Variants in AMPH observed in about 807,000 individuals in gnomAD.
AMPH encodes amphiphysin (Stiff-Mann syndrome with breast cancer 128kD autoantigen).
A neutral mutation model predicts 99.1 loss-of-function variants in AMPH; 49 were observed. The observed-to-expected ratio is 0.49, with a 90% CI of 0.39 to 0.63. AMPH has a LOEUF of 0.63. Among genes scored for constraint, AMPH ranks in the 20% least tolerant of loss-of-function variants. The pLI, the probability that AMPH is intolerant of heterozygous loss-of-function variation, is 0.00. For synonymous variants in AMPH, 314 were observed against 317.3 expected (o/e 0.99, Z 0.11); for missense variants, 759 against 863.4 (o/e 0.88, Z 1.52).
intron 1 of AMPH, among the ~76,000 whole-genome samples, chr7:38,572,472 T>C (rs1792084781): frequency 6.6e-6 from 1 of 152,152 alleles, no homozygotes; most frequent in Non-Finnish European, 1.5e-5. Flanking sequence ...ACCCTCATCA[T>C]TATGCCACAC....
At chr7:38,604,908 T>A (rs111462189) in intron 1 of AMPH, among the ~76,000 whole-genome samples, 2,746 of 152,290 alleles carry the variant, frequency 0.018, 95 homozygotes, top group African/African-American at 0.063. Context: ...AGGTACGATG[T>A]GATTAGTCAA....
intron 1 of AMPH, among the ~76,000 whole-genome samples, chr7:38,560,115 A>G (rs577004394): frequency 2.6e-5 from 4 of 152,202 alleles, no homozygotes; most frequent in South Asian, 2.1e-4. Context: ...GGTGAAGGCT[A>G]TCTCTCCACC....
chr7:38,434,535 C>T (rs527625632), intron 12 of AMPH, among the ~76,000 whole-genome samples: 7 of 152,024 alleles, frequency 4.6e-5, no homozygotes, highest in Admixed American at 2.6e-4. Context: ...GTCAGGAGAT[C>T]GAGACCATCC....
intron 13 of AMPH, chr7:38,431,931 G>A (rs1786044577): frequency 2.0e-6 from 1 of 512,592 alleles, no homozygotes; most frequent in Non-Finnish European, 3.6e-6. Context: ...AAGAAACAAA[G>A]GGCCAAACTC....
rs1562757408 is a variant in AMPH at position 38,441,786 on chromosome 7, CTGTCATATA to C, written c.1018-5407_1018-5399del. Among the ~76,000 whole-genome samples the C allele has an allele frequency of 1.2e-3, 88 of 74,684 alleles. 1 individual carries two copies. The highest frequency in any genetic ancestry group is 2.9e-3 in the South Asian group (7 of 2,398). 49.0% of individuals were successfully genotyped at this position (74,684 alleles called of 152,430 possible). A position where few individuals can be genotyped will look rare whatever the true frequency, so the allele number is the denominator to read the frequency against. ...CATATATATGATATATATCATATATCTGTCATATATATCATATATATATCATATATATCA... is the reference window on the plus strand; with the variant it reads ...CATATATATGATATATATCATATATCTATCATATATATATCATATATATCA... On this transcript the variant is annotated intron_variant, in intron 11 of 20. Coordinates refer to ENST00000356264, the MANE Select transcript of AMPH (RefSeq NM_001635.4).
intron 2 of AMPH, among the ~76,000 whole-genome samples, chr7:38,505,038 CATT>C (rs1789272512): frequency 6.6e-6 from 1 of 152,034 alleles, no homozygotes; most frequent in South Asian, 2.1e-4. Context: ...CCTCTTTCCT[CATT>C]ATAATCTAGT....
At chr7:38,422,918 C>T (rs1785643158) in intron 15 of AMPH, among the ~76,000 whole-genome samples, 1 of 152,186 alleles carries the variant, frequency 6.6e-6, no homozygotes, top group African/African-American at 2.4e-5. Flanking sequence ...CCATGCCTGG[C>T]CTCAATAAAT....
At chr7:38,468,490 A>T (rs962472620) in intron 7 of AMPH, among the ~76,000 whole-genome samples, 1 of 152,226 alleles carries the variant, frequency 6.6e-6, no homozygotes, top group African/African-American at 2.4e-5. Context: ...ATCAATTATT[A>T]TCCTGAGAAA....
intron 11 of AMPH, among the ~76,000 whole-genome samples, chr7:38,448,130 C>A (rs537097406): frequency 6.6e-6 from 1 of 152,300 alleles, no homozygotes; most frequent in Admixed American, 6.5e-5. Flanking sequence ...TCAACAATTA[C>A]AATGAAGCAG....
intron 5 of AMPH, 97 bp downstream of exon 5, chr7:38,490,953 T>A: frequency 1.4e-6 from 1 of 725,488 alleles, no homozygotes; most frequent in African/African-American, 1.8e-5. Flanking sequence ...ATCTTTGATG[T>A]CAGTTTGAGG....
At chr7:38,501,043 C>T (rs1789117415) in intron 3 of AMPH, among the ~76,000 whole-genome samples, 1 of 152,122 alleles carries the variant, frequency 6.6e-6, no homozygotes, top group Admixed American at 6.6e-5. Context: ...AATGCCTTAC[C>T]ATTGGTCACG....
chr7:38,437,639 A>AAAAAAAAAAAAAAAAAAAAAAAAGAAAAG (rs765494380), intron 11 of AMPH, among the ~76,000 whole-genome samples: 4 of 96,728 alleles, frequency 4.1e-5, no homozygotes, highest in Non-Finnish European at 5.7e-5. Context: ...AAAAAAAAAA[A>AAAAAAAAAAAAAAAAAAAAAAAAGAAAAG]AAAAGAAAAG....
At chr7:38,459,615 T>A (rs1039538861) in intron 11 of AMPH, among the ~76,000 whole-genome samples, 2 of 152,056 alleles carry the variant, frequency 1.3e-5, no homozygotes, top group African/African-American at 4.8e-5. Context: ...CTTCAATAAA[T>A]AGTGCTGGGA....
intron 16 of AMPH, among the ~76,000 whole-genome samples, chr7:38,421,505 T>C (rs1362280084): frequency 6.6e-6 from 1 of 152,226 alleles, no homozygotes; most frequent in Non-Finnish European, 1.5e-5. Context: ...AAGGCAAAAG[T>C]GTGACAATCT....
In AMPH at chr7:38,572,739, T is replaced by C. The variant is rs745958773; in HGVS notation, c.70-37728A>G. Among the ~76,000 whole-genome samples the C allele has an allele frequency of 2.7e-4, 41 of 152,322 alleles. 1 individual carries two copies. Among genetic ancestry groups the C allele is most frequent in the Middle Eastern group, 3.4e-3 (1 of 294 alleles). On this transcript the variant is annotated intron_variant, in intron 1 of 20. Coordinates refer to ENST00000356264, the MANE Select transcript of AMPH (RefSeq NM_001635.4). ...GAAGACCTTGTTTTCTCACTTCCTC[T>C]GACCCTCTGGTCTCCCAGCAGGACC...
chr7:38,477,161 G>T (rs145477997), intron 5 of AMPH, among the ~76,000 whole-genome samples, 192 bp from the exon 6 acceptor site: 1 of 152,070 alleles, frequency 6.6e-6, no homozygotes, highest in African/African-American at 2.4e-5. Context: ...TTGTGTTGAA[G>T]CCATTAGATA....
chr7:38,579,073 A>T (rs1295282878), intron 1 of AMPH, among the ~76,000 whole-genome samples: 2 of 152,216 alleles, frequency 1.3e-5, no homozygotes, highest in Non-Finnish European at 2.9e-5. Flanking sequence ...AAAGCCCCTG[A>T]AAGGGTCTTG....
At chr7:38,386,761 G>T (rs1473019622) in intron 20 of AMPH, among the ~76,000 whole-genome samples, 1 of 152,014 alleles carries the variant, frequency 6.6e-6, no homozygotes, top group African/African-American at 2.4e-5. Context: ...ATAAATAATG[G>T]GTAAAACTAT....
intron 2 of AMPH, among the ~76,000 whole-genome samples, chr7:38,523,058 C>T (rs1040210166): frequency 2.7e-5 from 4 of 149,976 alleles, no homozygotes; most frequent in Admixed American, 6.7e-5. Flanking sequence ...CAGTGAGTGG[C>T]GATCGCACCT....
Sources: gnomAD v4.1 joint callset for allele counts (sites outside exome capture counted in the v4.1 genomes callset) on GRCh38, gnomAD v4.1.1 for gene constraint, MANE v1.5 for transcripts, NCBI Gene and HGNC (gene_info 2026-07-23, HGNC 2026-07-21) for gene names.